Variants in MALSU1 observed in about 807,000 individuals in gnomAD.
MALSU1 encodes mitochondrial assembly of ribosomal large subunit protein 1.
MALSU1 carries 22 observed loss-of-function variants against 22.1 expected under a neutral mutation model. The ratio of observed to expected loss-of-function variants is 1.00; its 90% CI spans 0.71 to 1.42. The LOEUF is 1.42. Among genes scored for constraint, MALSU1 ranks in the 40% most tolerant of loss-of-function variants. The pLI is 0.00. For missense variants in MALSU1, 379 were observed against 308.3 expected, an observed-to-expected ratio of 1.23 and a Z score of -1.72; for synonymous variants, 153 against 118.5, an observed-to-expected ratio of 1.29 and a Z score of -1.89.
In MALSU1 at chr7:23,309,767, A is replaced by C; in HGVS notation, c.*224A>C. Reference sequence around the variant, plus strand: ...CCAAAACTTATGACACGCTGCCTTTATCCTGGAAATGTCATCAGAATTTCC... The same window carrying C: ...CCAAAACTTATGACACGCTGCCTTTCTCCTGGAAATGTCATCAGAATTTCC... On this transcript the variant is annotated 3_prime_UTR_variant, in exon 4 of 4. Coordinates refer to ENST00000466681, the MANE Select transcript of MALSU1 (RefSeq NM_138446.2). 3.3e-6 allele frequency: 1 copy of C among 300,018 alleles called. No individual in the cohort carries two copies. The allele number at this position is 300,018 out of a possible 1,614,324, so 18.6% of individuals were successfully genotyped here.
intron 2 of MALSU1, among the ~76,000 whole-genome samples, chr7:23,305,149 T>C (rs1583860153): frequency 6.6e-6 from 1 of 152,238 alleles, no homozygotes; most frequent in Non-Finnish European, 1.5e-5. Context: ...TTGGAAGGAC[T>C]GTCCTTTGTG....
chr7:23,302,666 T>C (rs1405573134), intron 2 of MALSU1, among the ~76,000 whole-genome samples: 1 of 152,196 alleles, frequency 6.6e-6, no homozygotes, highest in Non-Finnish European at 1.5e-5. Flanking sequence ...GAAGTTTCTG[T>C]GAAAGAATAA....
chr7:23,306,234 A>G (rs1036763876), intron 2 of MALSU1, among the ~76,000 whole-genome samples: 1 of 152,114 alleles, frequency 6.6e-6, no homozygotes, highest in African/African-American at 2.4e-5. Context: ...TTATTCTGCT[A>G]TTGTAAATGG....
In MALSU1 at chr7:23,299,463, G is replaced by A. The variant is rs1250977880; in HGVS notation, c.111G>A (p.Leu37=). 9.9e-6 allele frequency: 16 copies of A among 1,608,884 alleles called. No individual in the cohort carries two copies. The highest frequency in any genetic ancestry group is 1.4e-5 in the Non-Finnish European group (16 of 1,179,496). The change falls in exon 1 of 4, where the codon CTG becomes CTA. Residue 37 remains leucine (L), a synonymous_variant. Coordinates refer to ENST00000466681, the MANE Select transcript of MALSU1 (RefSeq NM_138446.2). ...AVGAEPGLRL[L]AVQRLPVGAA... is the part of the protein sequence containing the mutation. ...GAGCCGAGCCCGGGCTTCGGCTGCT[G>A]GCCGTGCAGCGGCTTCCCGTAGGAG...
intron 2 of MALSU1, among the ~76,000 whole-genome samples, chr7:23,305,284 T>C (rs1337743720): frequency 6.6e-6 from 1 of 152,218 alleles, no homozygotes; most frequent in Non-Finnish European, 1.5e-5. Context: ...CAGACTGTTT[T>C]GTTTACCATA....
intron 2 of MALSU1, among the ~76,000 whole-genome samples, chr7:23,306,965 T>G (rs1217061577): frequency 1.3e-5 from 2 of 152,206 alleles, no homozygotes; most frequent in Non-Finnish European, 2.9e-5. Context: ...GTTTAAATAT[T>G]TGGTAAAACT....
intron 2 of MALSU1, among the ~76,000 whole-genome samples, chr7:23,305,803 A>G (rs187004655): frequency 1.3e-5 from 2 of 152,330 alleles, no homozygotes; most frequent in Admixed American, 6.5e-5. Flanking sequence ...CTTCCCATCC[A>G]TGAATATGAA....
At chr7:23,305,160 C>T (rs571969013) in intron 2 of MALSU1, among the ~76,000 whole-genome samples, 5 of 152,300 alleles carry the variant, frequency 3.3e-5, no homozygotes, top group African/African-American at 1.2e-4. Flanking sequence ...GTCCTTTGTG[C>T]ATTGAATGGT....
Position 23,309,917 on chromosome 7 carries a change from A to AAAAC in MALSU1, c.*376_*379dup, listed in dbSNP as rs1386319375. The AAAAC allele has an allele frequency of 6.5e-6, 1 of 154,456 alleles. No individual in the cohort carries two copies. The highest frequency in any genetic ancestry group is 2.4e-5 in the African/African-American group (1 of 41,470). The allele number at this position is 154,456 out of a possible 1,614,324, so 9.6% of individuals were successfully genotyped here. A position where few individuals can be genotyped will look rare whatever the true frequency, so the allele number is the denominator to read the frequency against. On this transcript the variant is annotated 3_prime_UTR_variant, in exon 4 of 4. Coordinates refer to ENST00000466681, the MANE Select transcript of MALSU1 (RefSeq NM_138446.2). ...TGGCAAAAATTTTAAAAAATAATAT[A>AAAAC]AAACATAGCCCACTGGTCTTATTTT... is the stretch of plus-strand genomic sequence containing the variant.
At chr7:23,301,111 C>T in intron 2 of MALSU1, 94 bp downstream of exon 2, 1 of 1,198,944 alleles carries the variant, frequency 8.3e-7, no homozygotes, top group Admixed American at 2.4e-5. Flanking sequence ...GTAAACCCAT[C>T]ATACAAAGTT....
At chr7:23,300,016 C>T (rs1321469401) in intron 1 of MALSU1, among the ~76,000 whole-genome samples, 2 of 152,152 alleles carry the variant, frequency 1.3e-5, no homozygotes, top group Non-Finnish European at 1.5e-5. Context: ...AGTTAATATC[C>T]TCTAGTTATT....
At chr7:23,303,076 A>G (rs1783669808) in intron 2 of MALSU1, among the ~76,000 whole-genome samples, 1 of 152,172 alleles carries the variant, frequency 6.6e-6, no homozygotes, top group South Asian at 2.1e-4. Flanking sequence ...TAACAATTTT[A>G]AACTGTGTTG....
chr7:23,308,525 G>A (rs544113717), intron 3 of MALSU1, among the ~76,000 whole-genome samples: 81 of 152,226 alleles, frequency 5.3e-4, no homozygotes, highest in Admixed American at 2.5e-3. Context: ...ACATTGTCCC[G>A]CCAGTTTTCA....
chr7:23,308,516 C>T (rs1299963855), intron 3 of MALSU1, among the ~76,000 whole-genome samples: 4 of 152,152 alleles, frequency 2.6e-5, no homozygotes, highest in Non-Finnish European at 5.9e-5. Flanking sequence ...TAAGCTAATA[C>T]ATTGTCCCGC....
At chr7:23,307,818 A>G (rs753035454) in intron 2 of MALSU1, 50 bp from the exon 3 acceptor site, 2 of 1,179,584 alleles carry the variant, frequency 1.7e-6, no homozygotes, top group South Asian at 2.7e-5. Flanking sequence ...CAGCAAGAAC[A>G]GGCTTCCCCC....
At chr7:23,309,239 G>C (rs1783769222) in intron 3 of MALSU1, 117 bp from the exon 4 acceptor site, 5 of 920,614 alleles carry the variant, frequency 5.4e-6, no homozygotes, top group Non-Finnish European at 6.5e-6. Context: ...ATGCTAATCT[G>C]GGAACCACAC....
chr7:23,305,111 C>T (rs1562657040), intron 2 of MALSU1, among the ~76,000 whole-genome samples: 2 of 152,088 alleles, frequency 1.3e-5, no homozygotes, highest in South Asian at 2.1e-4. Context: ...GTTAGTTTTC[C>T]ATGTGGACAT....
intron 2 of MALSU1, among the ~76,000 whole-genome samples, chr7:23,301,537 G>C (rs903767073): frequency 9.2e-5 from 14 of 152,192 alleles, no homozygotes; most frequent in African/African-American, 3.4e-4. Flanking sequence ...AGGATTACTG[G>C]CATGAGCCAC....
intron 2 of MALSU1, among the ~76,000 whole-genome samples, chr7:23,304,966 C>T (rs1268910929): frequency 6.6e-6 from 1 of 152,106 alleles, no homozygotes; most frequent in Non-Finnish European, 1.5e-5. Flanking sequence ...CTTCTGTTGC[C>T]TGTGTCTTTG....
Sources: allele counts gnomAD v4.1 joint callset (sites outside exome capture counted in the v4.1 genomes callset), GRCh38; gene constraint gnomAD v4.1.1; transcripts MANE v1.5; gene names NCBI Gene and HGNC (gene_info 2026-07-23, HGNC 2026-07-21).